Variants in FIG4 observed in about 807,000 individuals in gnomAD.
The protein encoded by FIG4 is polyphosphoinositide phosphatase.
FIG4 carries 112 observed loss-of-function variants against 118.6 expected under a neutral mutation model. That is an observed-to-expected ratio of 0.94 (90% CI 0.81 to 1.11). FIG4 has a LOEUF of 1.11. Among genes scored for constraint, FIG4 ranks in the 50% least tolerant of loss-of-function variants. The pLI is 0.00. For missense variants in FIG4, 969 were observed against 1,111.7 expected (o/e 0.87, Z 1.83); for synonymous variants, 369 against 381.2 (o/e 0.97, Z 0.37).
In FIG4 at chr6:109,765,010, T is replaced by C. The variant is rs752516876; in HGVS notation, c.1435-3T>C. 1.1e-5 allele frequency: 17 copies of C among 1,613,144 alleles called. No individual in the cohort carries two copies. The South Asian group carries it at 1.8e-4, about 17-fold the overall frequency. On this transcript the variant is annotated splice_region_variant and splice_polypyrimidine_tract_variant and intron_variant, in intron 13 of 22. Coordinates refer to ENST00000230124, the MANE Select transcript of FIG4 (RefSeq NM_014845.6). Reference sequence around the variant, plus strand: ...TTGAAAATCTTAAGGTATTTCTCTTTAGACTGGCATCCTTCGAACCAACTG... The same window carrying C: ...TTGAAAATCTTAAGGTATTTCTCTTCAGACTGGCATCCTTCGAACCAACTG...
chr6:109,771,828 T>C (rs953775218), intron 15 of FIG4, among the ~76,000 whole-genome samples: 2 of 152,326 alleles, frequency 1.3e-5, no homozygotes, highest in Admixed American at 1.3e-4. Context: ...TGCCTTCTTG[T>C]GTTCCCTAAC....
chr6:109,764,240 C>T (rs1777207383), intron 13 of FIG4, among the ~76,000 whole-genome samples: 1 of 151,922 alleles, frequency 6.6e-6, no homozygotes, highest in Non-Finnish European at 1.5e-5. Context: ...AGATCGAGAC[C>T]ATCCTGGCTA....
At chr6:109,723,086 T>C (rs968944809) in intron 3 of FIG4, among the ~76,000 whole-genome samples, 1 of 152,244 alleles carries the variant, frequency 6.6e-6, no homozygotes, top group African/African-American at 2.4e-5. Flanking sequence ...TATTAGATTT[T>C]CTTGGATAAA....
At chr6:109,736,976 C>T (rs994137189) in intron 6 of FIG4, among the ~76,000 whole-genome samples, 1 of 152,238 alleles carries the variant, frequency 6.6e-6, no homozygotes, top group East Asian at 1.9e-4. Flanking sequence ...GACACTCATA[C>T]TCCTGTTTTC....
At chr6:109,777,109 T>C in intron 16 of FIG4, 49 bp downstream of exon 16, 1 of 1,498,208 alleles carries the variant, frequency 6.7e-7, no homozygotes. Context: ...GGTGTTATTT[T>C]GAATATGAGA....
At chr6:109,753,300 A>G (rs1394938160) in intron 10 of FIG4, among the ~76,000 whole-genome samples, 1 of 151,840 alleles carries the variant, frequency 6.6e-6, no homozygotes, top group Non-Finnish European at 1.5e-5. Context: ...CCATTGATCT[A>G]TATCTCTGTT....
rs756070677 is a variant in FIG4 at position 109,732,701 on chromosome 6, T to G, written c.497+14T>G. 19 of 1,520,758 alleles carry G rather than the reference T, an allele frequency of 1.2e-5. No individual in the cohort carries two copies. Among genetic ancestry groups the G allele is most frequent in the Non-Finnish European group, 1.4e-5 (15 of 1,102,340 alleles). The allele number at this position is 1,520,758 out of a possible 1,614,324, so 94.2% of individuals were successfully genotyped here. The stretch of plus-strand genomic sequence containing the variant: ...TTTTTACTTTAGGTAAGTGTGAGGT[T>G]AGTTTTGCTCCTATCAATCACATAA... On this transcript the variant is annotated intron_variant, in intron 5 of 22. Transcript: ENST00000230124.
intron 17 of FIG4, chr6:109,785,635 CT>C (rs1732272831): frequency 2.1e-6 from 1 of 469,998 alleles, no homozygotes; most frequent in African/African-American, 2.0e-5. Flanking sequence ...ACTAACTCCC[CT>C]GACCTTGAGC....
chr6:109,713,682 A>G (rs901163561), intron 1 of FIG4, among the ~76,000 whole-genome samples: 1 of 151,982 alleles, frequency 6.6e-6, no homozygotes, highest in Non-Finnish European at 1.5e-5. Context: ...GCGCACACAC[A>G]TGTTGGCAGA....
chr6:109,742,181 A>G (rs1215417673), intron 8 of FIG4, among the ~76,000 whole-genome samples: 1 of 152,056 alleles, frequency 6.6e-6, no homozygotes, highest in East Asian at 1.9e-4. Flanking sequence ...TTTAATGTAG[A>G]GACAAAAATA....
chr6:109,716,710 C>A (rs773139475), intron 3 of FIG4, 142 bp downstream of exon 3: 2 of 994,286 alleles, frequency 2.0e-6, no homozygotes, highest in Non-Finnish European at 3.1e-6. Flanking sequence ...ACTTCATTAT[C>A]CATCAATCAG....
At chr6:109,775,567 T>C (rs781205363) in intron 15 of FIG4, among the ~76,000 whole-genome samples, 19 of 152,292 alleles carry the variant, frequency 1.2e-4, no homozygotes, top group Admixed American at 2.0e-4. Flanking sequence ...ATTAAGGCTA[T>C]TTAAGAAGCA....
chr6:109,756,693 C>A (rs1194603631), intron 10 of FIG4, among the ~76,000 whole-genome samples: 4 of 152,184 alleles, frequency 2.6e-5, no homozygotes, highest in Non-Finnish European at 4.4e-5. Context: ...ATTTCATCTT[C>A]CATCACTGAT....
At chr6:109,731,209 A>G (rs1355255027) in intron 4 of FIG4, among the ~76,000 whole-genome samples, 3 of 152,238 alleles carry the variant, frequency 2.0e-5, no homozygotes, top group Non-Finnish European at 1.5e-5. Context: ...GTGGGAAATG[A>G]GTTGTATACT....
At chr6:109,745,457 T>C (rs1345166671) in intron 10 of FIG4, among the ~76,000 whole-genome samples, 2 of 152,230 alleles carry the variant, frequency 1.3e-5, no homozygotes, top group African/African-American at 4.8e-5. Context: ...GAGAAGTGTC[T>C]GTTCATATCC....
chr6:109,733,770 C>T (rs1018069938), intron 5 of FIG4, among the ~76,000 whole-genome samples: 6 of 151,882 alleles, frequency 4.0e-5, no homozygotes, highest in Admixed American at 3.3e-4. Flanking sequence ...AGTCTTTATG[C>T]CTAACTTTTT....
intron 22 of FIG4, among the ~76,000 whole-genome samples, chr6:109,801,473 A>G (rs562665853): frequency 1.3e-5 from 2 of 152,284 alleles, no homozygotes; most frequent in South Asian, 4.1e-4. Context: ...GCCTGAACCC[A>G]GGAGGTGGAG....
rs1036525251 is a variant in FIG4 at position 109,747,581 on chromosome 6, T to A, written c.1137+3809T>A. ...CGAGTGTGGGATAACAGTGAGTAAG[T>A]GATGTACTTTTCCCCCAATAGGAGT... On this transcript the variant is annotated intron_variant, in intron 10 of 22. Transcript: ENST00000230124. Among the ~76,000 whole-genome samples, 5 of 152,066 alleles carry A rather than the reference T, an allele frequency of 3.3e-5. No individual in the cohort carries two copies. In the East Asian group the frequency reaches 5.8e-4, roughly 18 times the overall value.
chr6:109,706,572 C>G (rs903007477), intron 1 of FIG4, among the ~76,000 whole-genome samples: 4 of 152,214 alleles, frequency 2.6e-5, no homozygotes, highest in African/African-American at 9.7e-5. Context: ...CTTTGGGCTA[C>G]TCTCTGTTTT....
Sources: gnomAD v4.1 joint callset for allele counts (sites outside exome capture counted in the v4.1 genomes callset) on GRCh38, gnomAD v4.1.1 for gene constraint, MANE v1.5 for transcripts, NCBI Gene and HGNC (gene_info 2026-07-23, HGNC 2026-07-21) for gene names.